The following ST3GAL3 variants were observed in gnomAD, a reference collection of about 807,000 sequenced individuals.
The protein encoded by ST3GAL3 is CMP-N-acetylneuraminate-beta-1,4-galactoside alpha-2,3-sialyltransferase.
ST3GAL3 carries 21 observed loss-of-function variants against 50.1 expected under a neutral mutation model. That is an observed-to-expected ratio of 0.42 (90% CI 0.30 to 0.60). The LOEUF is 0.60. Ranked by LOEUF, ST3GAL3 falls within the 20% of genes least tolerant of loss-of-function variation. ST3GAL3 has a pLI of 0.19. For synonymous variants in ST3GAL3, 183 were observed against 190.0 expected, an observed-to-expected ratio of 0.96 and a Z score of 0.30; for missense variants, 353 against 489.4, an observed-to-expected ratio of 0.72 and a Z score of 2.63.
chr1:43,791,557 A>G (rs893861109), intron 2 of ST3GAL3, among the ~76,000 whole-genome samples: 8 of 152,166 alleles, frequency 5.3e-5, no homozygotes, highest in African/African-American at 1.4e-4. Flanking sequence ...TACTCATGGC[A>G]TGCATTTTGT....
intron 1 of ST3GAL3, among the ~76,000 whole-genome samples, chr1:43,709,803 C>T (rs1333851651): frequency 6.6e-6 from 1 of 151,934 alleles, no homozygotes; most frequent in Non-Finnish European, 1.5e-5. Flanking sequence ...GCCGAGATCG[C>T]GCCAGTGCAC....
chr1:43,860,293 A>G (rs1038324059), intron 5 of ST3GAL3, among the ~76,000 whole-genome samples: 6 of 152,212 alleles, frequency 3.9e-5, no homozygotes, highest in Admixed American at 6.5e-5. Flanking sequence ...TGCAAGAGGC[A>G]GTAGGGTAGA....
intron 7 of ST3GAL3, 183 bp downstream of exon 7, chr1:43,898,481 C>A: frequency 1.5e-6 from 1 of 677,016 alleles, no homozygotes; most frequent in Non-Finnish European, 2.7e-6. Context: ...CTTGCACCCC[C>A]ACGGGCTGTC....
At chr1:43,817,865 T>TTCCTCC (rs796418054) in intron 4 of ST3GAL3, among the ~76,000 whole-genome samples, 1 of 69,148 alleles carries the variant, frequency 1.4e-5, no homozygotes, top group Non-Finnish European at 3.4e-5. Context: ...CCTCCTCCTC[T>TTCCTCC]TCCTCCTCCT....
chr1:43,872,724 T>A (rs1005866117), intron 5 of ST3GAL3, among the ~76,000 whole-genome samples: 2 of 152,084 alleles, frequency 1.3e-5, no homozygotes, highest in Non-Finnish European at 2.9e-5. Flanking sequence ...CATATTCTAG[T>A]GGGAAGCAGG....
chr1:43,903,446 TTCCTCC>T (rs973486077), intron 9 of ST3GAL3, among the ~76,000 whole-genome samples: 1 of 152,114 alleles, frequency 6.6e-6, no homozygotes. Context: ...CTGCCTCCTC[TTCCTCC>T]TCCTCCTCCC....
At chr1:43,766,941 A>G (rs1314066773) in intron 2 of ST3GAL3, among the ~76,000 whole-genome samples, 1 of 152,200 alleles carries the variant, frequency 6.6e-6, no homozygotes, top group African/African-American at 2.4e-5. Context: ...TGATAGTAGC[A>G]TGAATAAAGT....
chr1:43,814,817 A>T (rs1219386668), intron 3 of ST3GAL3, 74 bp from the exon 4 acceptor site: 1 of 1,416,480 alleles, frequency 7.1e-7, no homozygotes, highest in Non-Finnish European at 1.0e-6. Context: ...CCTGTGGTCT[A>T]GGTCTGGGGG....
chr1:43,771,819 A>T (rs1695347906), intron 2 of ST3GAL3: 1 of 396,626 alleles, frequency 2.5e-6, no homozygotes, highest in South Asian at 1.3e-4. Flanking sequence ...TGTGATGCTT[A>T]TAGTGTTAAT....
At chr1:43,765,745 GTGTGTGTC>G (rs1158899352) in intron 2 of ST3GAL3, among the ~76,000 whole-genome samples, 79 of 57,606 alleles carry the variant, frequency 1.4e-3, no homozygotes, top group African/African-American at 2.2e-3. Flanking sequence ...GTGTGTGTCT[GTGTGTGTC>G]TGTGTGTGTG....
intron 1 of ST3GAL3, chr1:43,727,337 A>C (rs1673425351): frequency 6.6e-6 from 1 of 151,728 alleles, no homozygotes; most frequent in Admixed American, 6.6e-5. Context: ...GCTATATGCT[A>C]TAAGATGATG....
intron 5 of ST3GAL3, among the ~76,000 whole-genome samples, chr1:43,893,283 G>C (rs2076913180): frequency 6.6e-6 from 1 of 152,222 alleles, no homozygotes; most frequent in Non-Finnish European, 1.5e-5. Context: ...TTCAGGGTGA[G>C]TTAGAAATAA....
chr1:43,857,582 CCCTCCCTT>C (rs1276391396), intron 5 of ST3GAL3, among the ~76,000 whole-genome samples: 1,040 of 93,828 alleles, frequency 0.011, 65 homozygotes, highest in African/African-American at 0.044. Context: ...TTTCCTTCCT[CCCTCCCTT>C]CCTTCCTTCC....
At chr1:43,898,522 T>G in intron 7 of ST3GAL3, 1 of 616,522 alleles carries the variant, frequency 1.6e-6, no homozygotes, top group Non-Finnish European at 3.0e-6. Context: ...AGTCCTCAGA[T>G]ACCAGAGGTT....
intron 3 of ST3GAL3, among the ~76,000 whole-genome samples, chr1:43,795,887 C>T (rs2058633460): frequency 6.6e-6 from 1 of 152,120 alleles, no homozygotes; most frequent in African/African-American, 2.4e-5. Flanking sequence ...TCCTATTTTC[C>T]CTTCAGTGTC....
intron 9 of ST3GAL3, among the ~76,000 whole-genome samples, chr1:43,909,195 G>C (rs181446863): frequency 6.6e-6 from 1 of 152,314 alleles, no homozygotes; most frequent in East Asian, 1.9e-4. Flanking sequence ...CCTTCGAGGA[G>C]AGTCAGGATT....
chr1:43,734,285 T>TTTC (rs1430250326), intron 1 of ST3GAL3, among the ~76,000 whole-genome samples: 10 of 144,284 alleles, frequency 6.9e-5, no homozygotes, highest in Non-Finnish European at 9.1e-5. Context: ...CTTCTCTTTC[T>TTTC]TTCTTCTTCT....
chr1:43,866,854 A>G (rs750611387), intron 5 of ST3GAL3, among the ~76,000 whole-genome samples: 1 of 152,138 alleles, frequency 6.6e-6, no homozygotes, highest in Non-Finnish European at 1.5e-5. Flanking sequence ...AAATTAGGCC[A>G]GGTGCAGTGG....
At chr1:43,858,169 A>T (rs555986182) in intron 5 of ST3GAL3, 1,056 of 1,289,286 alleles carry the variant, frequency 8.2e-4, no homozygotes, top group Non-Finnish European at 1.0e-3. Flanking sequence ...ACAAAAACAT[A>T]TCCAGGCATA....
Sources: allele counts gnomAD v4.1 joint callset (sites outside exome capture counted in the v4.1 genomes callset), GRCh38; gene constraint gnomAD v4.1.1; transcripts MANE v1.5; gene names NCBI Gene and HGNC (gene_info 2026-07-23, HGNC 2026-07-21).